The following ME2 variants were observed in gnomAD, a reference collection of about 807,000 sequenced individuals.
ME2 encodes the protein malic enzyme 2.
Under a neutral mutation model 73.7 loss-of-function variants are expected in ME2, and 60 were observed. The observed-to-expected ratio is 0.81, with a 90% CI of 0.66 to 1.01. The LOEUF is 1.01. Among genes scored for constraint, ME2 ranks in the 50% least tolerant of loss-of-function variants. The pLI is 0.00. For missense variants in ME2, 594 were observed against 705.5 expected, an observed-to-expected ratio of 0.84 and a Z score of 1.79; for synonymous variants, 199 against 236.9, an observed-to-expected ratio of 0.84 and a Z score of 1.47.
At chr18:50,907,891 A>G (rs1475319855) in intron 2 of ME2, among the ~76,000 whole-genome samples, 172 bp from the exon 3 acceptor site, 2 of 152,166 alleles carry the variant, frequency 1.3e-5, no homozygotes, top group African/African-American at 4.8e-5. Context: ...GAGAATAACT[A>G]TTTTCCACAC....
rs1568179702 is a variant in ME2 at position 50,950,473 on chromosome 18, T to TTTTCTTTTTC, written c.*3292_*3293insCTTTTTCTTT. On this transcript the variant is annotated 3_prime_UTR_variant, in exon 16 of 16. Coordinates refer to ENST00000321341, the MANE Select transcript of ME2 (RefSeq NM_002396.5). ...GGTGGGGCCTCAGATTCTGCTTTTTTTTTTTTTTTTTTTTTTTTTTTTAAA... is the reference window on the plus strand; with the variant it reads ...GGTGGGGCCTCAGATTCTGCTTTTTTTTTCTTTTTCTTTTTTTTTTTTTTTTTTTTTTAAA... The TTTTCTTTTTC allele has an allele frequency of 7.6e-6, 1 of 130,994 alleles. No homozygotes were observed. The highest frequency in any genetic ancestry group is 7.7e-5 in the Admixed American group (1 of 13,012). 8.1% of individuals were successfully genotyped at this position (130,994 alleles called of 1,614,324 possible). A position where few individuals can be genotyped will look rare whatever the true frequency, so the allele number is the denominator to read the frequency against.
At chr18:50,892,861 C>T (rs1368636314) in intron 1 of ME2, among the ~76,000 whole-genome samples, 1 of 152,070 alleles carries the variant, frequency 6.6e-6, no homozygotes, top group Non-Finnish European at 1.5e-5. Flanking sequence ...TGCAGTGGCT[C>T]ACGCCTGTAA....
intron 7 of ME2, among the ~76,000 whole-genome samples, chr18:50,919,792 A>G (rs1472030922): frequency 6.6e-6 from 1 of 151,950 alleles, no homozygotes; most frequent in Non-Finnish European, 1.5e-5. Context: ...GATGCAGAAG[A>G]AAGTCCCTCT....
rs369204116 is a variant in ME2, at chr18:50,920,737, C to A, written c.921C>A (p.Ile307=). The change falls in exon 9 of 16, where the codon ATC becomes ATA. Residue 307 remains isoleucine, a synonymous_variant. Transcript: ENST00000321341. ...GTAAACCAATCTCCGAACACAAAAT[C>A]TTATTCCTTGGAGCAGGAGAGGTAA... ...VISKPISEHK[I]LFLGAGEAAL... The A allele has an allele frequency of 3.1e-6, 5 of 1,611,364 alleles. No homozygotes were observed. In the African/African-American group the frequency reaches 5.3e-5, roughly 17 times the overall value.
chr18:50,925,647 G>T, intron 11 of ME2, 109 bp from the exon 12 acceptor site: 2 of 850,566 alleles, frequency 2.4e-6, no homozygotes, highest in East Asian at 2.5e-5. Context: ...TTTGTAATGA[G>T]ATATTACCTG....
chr18:50,928,187 A>G (rs1917607621), intron 12 of ME2, among the ~76,000 whole-genome samples: 1 of 151,064 alleles, frequency 6.6e-6, no homozygotes, highest in African/African-American at 2.4e-5. Context: ...CATTTTTATT[A>G]TCTATCTTTT....
Position 50,925,742 on chromosome 18 carries a change from C to A in ME2, c.1172-14C>A. The A allele has an allele frequency of 6.2e-7, 1 of 1,612,422 alleles. No individual in the cohort carries two copies. The highest frequency in any genetic ancestry group is 2.2e-5 in the East Asian group (1 of 44,852). On this transcript the variant is annotated splice_polypyrimidine_tract_variant and intron_variant, in intron 11 of 15. Transcript: ENST00000321341. ...TATAATGAAGTTGCTGTTTTTCCCC[C>A]TTACTTATTACAGGAGTTGCAGGTG...
intron 1 of ME2, among the ~76,000 whole-genome samples, chr18:50,880,215 G>A (rs191008413): frequency 2.1e-4 from 32 of 152,260 alleles, no homozygotes; most frequent in Admixed American, 6.5e-4. Flanking sequence ...ACCCTTTGAG[G>A]TTGATACTGT....
At chr18:50,915,971 G>A in intron 4 of ME2, 197 bp from the exon 5 acceptor site, 1 of 422,002 alleles carries the variant, frequency 2.4e-6, no homozygotes, top group South Asian at 5.0e-5. Flanking sequence ...AATCTTTGTT[G>A]CATCTGCTAT....
At chr18:50,885,165 A>C (rs1009890366) in intron 1 of ME2, among the ~76,000 whole-genome samples, 7 of 152,130 alleles carry the variant, frequency 4.6e-5, no homozygotes, top group Non-Finnish European at 7.4e-5. Flanking sequence ...CCAAAGTTTT[A>C]ACTGTAGTAA....
chr18:50,943,096 C>A (rs756826404), intron 15 of ME2, among the ~76,000 whole-genome samples: 1 of 150,822 alleles, frequency 6.6e-6, no homozygotes, highest in Non-Finnish European at 1.5e-5. Context: ...TGGCTAACAT[C>A]TTTGTATGTT....
At chr18:50,912,340 A>G (rs1917176399) in intron 3 of ME2, among the ~76,000 whole-genome samples, 1 of 152,208 alleles carries the variant, frequency 6.6e-6, no homozygotes, top group African/African-American at 2.4e-5. Context: ...CTCCTGGGTT[A>G]TAAACTCCTT....
Position 50,924,230 on chromosome 18 carries a change from GATAA to G in ME2, c.1171+23_1171+26del, listed in dbSNP as rs781418327. On this transcript the variant is annotated intron_variant, in intron 11 of 15. Transcript: ENST00000321341. ...TATAATTGGTAGGTAAAGTTTTTCT[GATAA>G]ATAATTTTACTCCCTAACTGTATGT... The G allele has an allele frequency of 3.3e-6, 5 of 1,516,946 alleles. No homozygotes were observed. Among genetic ancestry groups the G allele is most frequent in the Middle Eastern group, 1.7e-4 (1 of 5,798 alleles). 94.0% of individuals were successfully genotyped at this position (1,516,946 alleles called of 1,614,324 possible).
At chr18:50,916,038 T>C in intron 4 of ME2, 130 bp from the exon 5 acceptor site, 1 of 636,124 alleles carries the variant, frequency 1.6e-6, no homozygotes, top group South Asian at 2.2e-5. Context: ...CCAGTGTGAC[T>C]TAGCTAAATC....
intron 12 of ME2, among the ~76,000 whole-genome samples, chr18:50,926,869 T>G (rs1274723893): frequency 6.6e-6 from 1 of 152,224 alleles, no homozygotes; most frequent in Non-Finnish European, 1.5e-5. Flanking sequence ...AGTAACAGAC[T>G]TAAAATCATG....
Position 50,894,567 on chromosome 18 carries a change from C to CA in ME2, c.-12-1231dup, listed in dbSNP as rs34435967. On this transcript the variant is annotated intron_variant, in intron 1 of 15. Transcript: ENST00000321341. ...TGGGTGACAGAAAGAGACTCCATCT[C>CA]AAAAAAAAAAATCCCTATTTTGGCC... Among the ~76,000 whole-genome samples the CA allele has an allele frequency of 3.2e-3, 458 of 142,804 alleles. 4 individuals are homozygous for CA. The highest frequency in any genetic ancestry group is 0.011 in the African/African-American group (435 of 38,122). 93.7% of individuals were successfully genotyped at this position (142,804 alleles called of 152,430 possible).
chr18:50,945,039 T>C (rs1055738775), intron 15 of ME2: 9 of 152,150 alleles, frequency 5.9e-5, no homozygotes, highest in African/African-American at 2.2e-4. Flanking sequence ...TCCTGTTTAG[T>C]ACAAAAACTG....
At chr18:50,941,915 G>A (rs1448194050) in intron 15 of ME2, among the ~76,000 whole-genome samples, 1 of 151,658 alleles carries the variant, frequency 6.6e-6, no homozygotes, top group Non-Finnish European at 1.5e-5. Context: ...CATTATTAGT[G>A]AGATTGAAGA....
chr18:50,885,292 C>T (rs1037661166), intron 1 of ME2, among the ~76,000 whole-genome samples: 2 of 152,148 alleles, frequency 1.3e-5, no homozygotes, highest in East Asian at 3.9e-4. Context: ...AGGCTGAGAT[C>T]GGACGATTGC....
Sources: gnomAD v4.1 joint callset for allele counts (sites outside exome capture counted in the v4.1 genomes callset) on GRCh38, gnomAD v4.1.1 for gene constraint, MANE v1.5 for transcripts, NCBI Gene and HGNC (gene_info 2026-07-23, HGNC 2026-07-21) for gene names.